MAPK4: variants seen among roughly 807,000 people sequenced by gnomAD.
MAPK4 encodes the protein Erk3-related.
Under a neutral mutation model 47.7 loss-of-function variants are expected in MAPK4, and 22 were observed. The observed-to-expected ratio is 0.46, with a 90% CI of 0.33 to 0.66. The LOEUF is 0.66. MAPK4 is among the 30% of genes least tolerant of loss of function. The pLI is 0.02. For synonymous variants in MAPK4, 390 were observed against 365.7 expected, an observed-to-expected ratio of 1.07 and a Z score of -0.76; for missense variants, 736 against 831.7, an observed-to-expected ratio of 0.88 and a Z score of 1.42.
At chr18:50,646,417 C>T (rs1417218056) in intron 1 of MAPK4, among the ~76,000 whole-genome samples, 1 of 152,176 alleles carries the variant, frequency 6.6e-6, no homozygotes, top group African/African-American at 2.4e-5. Flanking sequence ...CCTATTCTGT[C>T]CCTGGGTCCT....
At chr18:50,656,340 C>A (rs777251349) in intron 1 of MAPK4, among the ~76,000 whole-genome samples, 1 of 152,178 alleles carries the variant, frequency 6.6e-6, no homozygotes, top group Non-Finnish European at 1.5e-5. Context: ...CAGGGCTCAA[C>A]TCAGGGAAGG....
rs375617264 is a variant in MAPK4, at chr18:50,664,361, C to T, written c.403C>T (p.Arg135Cys). The T allele has an allele frequency of 1.7e-5, 28 of 1,613,784 alleles. No individual in the cohort carries two copies. Among genetic ancestry groups the T allele is most frequent in the Middle Eastern group, 1.6e-4 (1 of 6,084 alleles). The change falls in exon 2 of 6, where the codon CGC becomes TGC. Residue 135 changes from arginine to cysteine, a missense_variant. By Grantham distance (180) the Arg-to-Cys change is radical. Coordinates refer to ENST00000400384, the MANE Select transcript of MAPK4 (RefSeq NM_002747.4). This position sits in a 1 kb window ranked among gnomAD's most constrained non-coding sequence, Gnocchi z 6.0. ...HAKLFMYQLL[R>C]GLKYIHSANV... ...CAAGCTGTTCATGTACCAGCTGCTCCGCGGGCTCAAGTACATCCACTCCGC... is the reference window on the plus strand; with the variant it reads ...CAAGCTGTTCATGTACCAGCTGCTCTGCGGGCTCAAGTACATCCACTCCGC...
At chr18:50,687,286 A>G (rs1192863390) in intron 2 of MAPK4, among the ~76,000 whole-genome samples, 1 of 151,800 alleles carries the variant, frequency 6.6e-6, no homozygotes, top group Non-Finnish European at 1.5e-5. Flanking sequence ...CAGCCTCCCA[A>G]AGTGTTGGGA....
rs576913903 is a variant in MAPK4 at position 50,727,686 on chromosome 18, C to T, written c.1068-1472C>T. Among the ~76,000 whole-genome samples, 6 of 152,150 alleles carry T rather than the reference C, an allele frequency of 3.9e-5. No individual in the cohort carries two copies. The East Asian group carries it at 1.2e-3, about 29-fold the overall frequency. On this transcript the variant is annotated intron_variant, in intron 5 of 5. Coordinates refer to ENST00000400384, the MANE Select transcript of MAPK4 (RefSeq NM_002747.4). ...GGAAAAACTGTCACAGGATTTGTTG[C>T]TGCCTGTCCACCCTGACCACCCCTA...
In MAPK4 at chr18:50,584,367, C is replaced by T. The variant is rs117515843; in HGVS notation, c.-871+24124C>T. On this transcript the variant is annotated intron_variant, in intron 1 of 5. Coordinates refer to ENST00000400384, the MANE Select transcript of MAPK4 (RefSeq NM_002747.4). Reference sequence around the variant, plus strand: ...CACTTCGTGTACCCCTGGCAGTGACCGAACATGAGGCTGGATGAACTGCGG... The same window carrying T: ...CACTTCGTGTACCCCTGGCAGTGACTGAACATGAGGCTGGATGAACTGCGG... Among the ~76,000 whole-genome samples, 1,160 of 152,152 alleles carry T rather than the reference C, an allele frequency of 7.6e-3. 9 individuals carry two copies. The highest frequency in any genetic ancestry group is 9.6e-3 in the Non-Finnish European group (654 of 68,012).
intron 1 of MAPK4, among the ~76,000 whole-genome samples, chr18:50,599,364 C>T (rs930900807): frequency 2.0e-5 from 3 of 152,144 alleles, no homozygotes; most frequent in Admixed American, 6.5e-5. Context: ...CTAAAAGTGA[C>T]AATATATGCT....
intron 1 of MAPK4, among the ~76,000 whole-genome samples, chr18:50,645,461 T>A (rs1244979637): frequency 6.6e-6 from 1 of 152,184 alleles, no homozygotes; most frequent in African/African-American, 2.4e-5. Flanking sequence ...CATATGAGAA[T>A]CAATGCATGA....
At chr18:50,642,432 G>T (rs1398104035) in intron 1 of MAPK4, among the ~76,000 whole-genome samples, 1 of 152,178 alleles carries the variant, frequency 6.6e-6, no homozygotes, top group African/African-American at 2.4e-5. Flanking sequence ...AACTGCTGGT[G>T]TATGCATTTT....
At chr18:50,675,516 AGG>A (rs760003680) in intron 2 of MAPK4, among the ~76,000 whole-genome samples, 26 of 151,188 alleles carry the variant, frequency 1.7e-4, no homozygotes, top group Admixed American at 5.9e-4. Flanking sequence ...TTTTTGAGAC[AGG>A]GTTTCACTCT....
chr18:50,664,298 C>A lies in MAPK4; in HGVS notation c.340C>A (p.Arg114Ser). Reference sequence around the variant, plus strand: ...GGAGTACATGGAGACCGACCTGGCACGCCTGCTGGAGCAGGGCACGCTGGC... The same window carrying A: ...GGAGTACATGGAGACCGACCTGGCAAGCCTGCTGGAGCAGGGCACGCTGGC... ...VQEYMETDLARLLEQGTLAEE... is the reference protein window; with the variant it reads ...VQEYMETDLASLLEQGTLAEE... The change falls in exon 2 of 6, where the codon CGC (arginine) becomes AGC (serine). Residue 114 changes from arginine (R) to serine (S), a missense_variant. Physicochemically the swap from Arg to Ser is moderately radical, Grantham distance 110. Transcript: ENST00000400384. This position sits in a 1 kb window ranked among gnomAD's most constrained non-coding sequence, Gnocchi z 6.0. 1 of 1,613,460 alleles carries A rather than the reference C, an allele frequency of 6.2e-7. No homozygotes were observed. The highest frequency in any genetic ancestry group is 8.5e-7 in the Non-Finnish European group (1 of 1,179,710).
chr18:50,655,312 C>T (rs890882746), intron 1 of MAPK4, among the ~76,000 whole-genome samples: 3 of 152,076 alleles, frequency 2.0e-5, no homozygotes, highest in Non-Finnish European at 2.9e-5. Flanking sequence ...CTAAGCTGGG[C>T]TTTTGGCTCG....
intron 1 of MAPK4, among the ~76,000 whole-genome samples, chr18:50,614,846 T>C (rs2042669926): frequency 6.6e-6 from 1 of 152,318 alleles, no homozygotes; most frequent in East Asian, 1.9e-4. Flanking sequence ...AAAATGAGGA[T>C]TCTTCCCTTC....
chr18:50,596,649 G>T (rs1444166224), intron 1 of MAPK4, among the ~76,000 whole-genome samples: 1 of 152,198 alleles, frequency 6.6e-6, no homozygotes, highest in Non-Finnish European at 1.5e-5. Flanking sequence ...GGTGCATGAT[G>T]CTATTCTATG....
chr18:50,720,605 A>G (rs1046733491), intron 3 of MAPK4, among the ~76,000 whole-genome samples: 15 of 151,968 alleles, frequency 9.9e-5, no homozygotes, highest in African/African-American at 3.4e-4. Context: ...CTCCAAGCAG[A>G]AGGTTGTGTA....
At chr18:50,616,171 T>G (rs532155840) in intron 1 of MAPK4, among the ~76,000 whole-genome samples, 1 of 152,290 alleles carries the variant, frequency 6.6e-6, no homozygotes, top group East Asian at 1.9e-4. Context: ...TAAATCTTCC[T>G]TTGGGGGGAT....
intron 2 of MAPK4, among the ~76,000 whole-genome samples, chr18:50,698,674 G>A (rs185225494): frequency 7.4e-4 from 112 of 152,216 alleles, no homozygotes; most frequent in African/African-American, 2.5e-3. Context: ...GGAAAATTGC[G>A]GGCCAGTCTC....
intron 1 of MAPK4, among the ~76,000 whole-genome samples, chr18:50,609,239 C>T (rs1037505014): frequency 1.3e-5 from 2 of 151,816 alleles, no homozygotes; most frequent in African/African-American, 4.8e-5. Context: ...TTGGGTACAC[C>T]TCCCACACGG....
Position 50,665,497 on chromosome 18 carries a change from C to T in MAPK4, c.546+993C>T, listed in dbSNP as rs535004120. 2.6e-5 allele frequency among the ~76,000 whole-genome samples: 4 copies of T among 152,300 alleles called. No individual in the cohort carries two copies. In the South Asian group the frequency reaches 8.3e-4, roughly 32 times the overall value. ...AGGTGTACAGTAGTCTGTTATCATC[C>T]AAGGGGCTGGGGTGGGTCATGAAAG... On this transcript the variant is annotated intron_variant, in intron 2 of 5. Coordinates refer to ENST00000400384, the MANE Select transcript of MAPK4 (RefSeq NM_002747.4).
intron 5 of MAPK4, among the ~76,000 whole-genome samples, chr18:50,727,844 G>C (rs765458501): frequency 3.3e-5 from 5 of 152,188 alleles, no homozygotes; most frequent in African/African-American, 1.2e-4. Context: ...ACTGTAAAGC[G>C]GGGGTGATAA....
Sources: gnomAD v4.1 joint callset for allele counts (sites outside exome capture counted in the v4.1 genomes callset) on GRCh38, gnomAD v4.1.1 for gene constraint, Gnocchi (gnomAD v3.1) non-coding constraint, MANE v1.5 for transcripts, NCBI Gene and HGNC (gene_info 2026-07-23, HGNC 2026-07-21) for gene names.